DCDC2: variants seen among roughly 807,000 people sequenced by gnomAD.
DCDC2 encodes doublecortin domain containing 2.
Under a neutral mutation model 50.2 loss-of-function variants are expected in DCDC2, and 40 were observed. That is an observed-to-expected ratio of 0.80 (90% CI 0.62 to 1.04). The LOEUF (loss-of-function observed/expected upper bound fraction) is 1.04. Ranked by LOEUF, DCDC2 falls within the 50% of genes least tolerant of loss-of-function variation. The pLI, the probability that DCDC2 is intolerant of heterozygous loss-of-function variation, is 0.00. For missense variants in DCDC2, 570 were observed against 581.9 expected (o/e 0.98, Z 0.21); for synonymous variants, 234 against 210.6 (o/e 1.11, Z -0.96).
At chr6:24,225,265 C>T (rs988061086) in intron 7 of DCDC2, among the ~76,000 whole-genome samples, 1 of 152,054 alleles carries the variant, frequency 6.6e-6, no homozygotes, top group Admixed American at 6.6e-5. Flanking sequence ...GTTAGATATA[C>T]GATGATAATG....
At chr6:24,185,150 T>C (rs1354817514) in intron 8 of DCDC2, among the ~76,000 whole-genome samples, 3 of 152,200 alleles carry the variant, frequency 2.0e-5, no homozygotes, top group Admixed American at 6.5e-5. Flanking sequence ...CAAACACTTA[T>C]ACATTTTTTT....
intron 7 of DCDC2, among the ~76,000 whole-genome samples, chr6:24,226,294 C>T (rs759134724): frequency 2.0e-5 from 3 of 152,132 alleles, no homozygotes; most frequent in Non-Finnish European, 4.4e-5. Context: ...ATAATAGATG[C>T]CACAATAAAG....
rs145800633 is a variant in DCDC2, at chr6:24,351,371, G to C, written c.348+2198C>G. ...GACAGGAGGGCAGAGTGGGAGAGAG[G>C]ACTCTAGCGAACAAGTGGGAAAGCT... On this transcript the variant is annotated intron_variant, in intron 2 of 9. Coordinates refer to ENST00000378454, the MANE Select transcript of DCDC2 (RefSeq NM_016356.5). 6.1e-3 allele frequency among the ~76,000 whole-genome samples: 931 copies of C among 152,278 alleles called. 4 individuals carry two copies. The highest frequency in any genetic ancestry group is 0.021 in the African/African-American group (865 of 41,544).
intron 7 of DCDC2, among the ~76,000 whole-genome samples, chr6:24,277,089 G>A (rs1763375094): frequency 6.6e-6 from 1 of 152,138 alleles, no homozygotes; most frequent in African/African-American, 2.4e-5. Flanking sequence ...AACTCTCACA[G>A]GAGTTCAAAC....
chr6:24,190,042 TGCTTTCA>T (rs1489864095), intron 8 of DCDC2, among the ~76,000 whole-genome samples: 5 of 151,268 alleles, frequency 3.3e-5, no homozygotes, highest in Non-Finnish European at 7.4e-5. Context: ...TACCACTTCT[TGCTTTCA>T]GCTTTCAGAG....
intron 7 of DCDC2, among the ~76,000 whole-genome samples, chr6:24,228,400 G>A (rs1356081765): frequency 2.0e-5 from 3 of 152,210 alleles, no homozygotes; most frequent in Non-Finnish European, 4.4e-5. Flanking sequence ...TCTAACGGTT[G>A]TCAAATGGCC....
At chr6:24,255,459 A>AGAT (rs1762882051) in intron 7 of DCDC2, among the ~76,000 whole-genome samples, 1 of 152,198 alleles carries the variant, frequency 6.6e-6, no homozygotes, top group Non-Finnish European at 1.5e-5. Context: ...TACTTTGTTA[A>AGAT]GATTAAAGAC....
At chr6:24,304,396 T>C (rs921401148) in intron 2 of DCDC2, among the ~76,000 whole-genome samples, 1 of 152,120 alleles carries the variant, frequency 6.6e-6, no homozygotes, top group Non-Finnish European at 1.5e-5. Flanking sequence ...AGCATGAGAA[T>C]TGCTTGAAAC....
chr6:24,241,512 A>T (rs1013686574), intron 7 of DCDC2, among the ~76,000 whole-genome samples: 3 of 152,220 alleles, frequency 2.0e-5, no homozygotes, highest in African/African-American at 7.2e-5. Flanking sequence ...ATAAGCAGTG[A>T]CTCATTTTTT....
intron 8 of DCDC2, among the ~76,000 whole-genome samples, chr6:24,179,547 C>CAAAAAAAAAAAAAAAAAA (rs56731018): frequency 2.0e-5 from 1 of 49,598 alleles, no homozygotes; most frequent in African/African-American, 9.3e-5. Context: ...GACACCATCT[C>CAAAAAAAAAAAAAAAAAA]AAAAAAAAAA....
intron 2 of DCDC2, among the ~76,000 whole-genome samples, chr6:24,317,011 A>T (rs1759682140): frequency 6.6e-6 from 1 of 151,906 alleles, no homozygotes; most frequent in Non-Finnish European, 1.5e-5. Context: ...AGAGAGAGAG[A>T]CAAATTTGAC....
intron 7 of DCDC2, 186 bp from the exon 8 acceptor site, chr6:24,205,288 A>T (rs771204877): frequency 9.0e-5 from 139 of 1,549,704 alleles, no homozygotes; most frequent in Non-Finnish European, 1.2e-4. Flanking sequence ...TTTCATTGAG[A>T]AAACATTCAG....
chr6:24,175,694 C>T (rs933645408), intron 9 of DCDC2, among the ~76,000 whole-genome samples: 1 of 152,086 alleles, frequency 6.6e-6, no homozygotes, highest in Non-Finnish European at 1.5e-5. Context: ...CTTGTAAATT[C>T]TCTGTATTTC....
At chr6:24,277,123 T>C (rs1042207783) in intron 7 of DCDC2, among the ~76,000 whole-genome samples, 1 of 152,248 alleles carries the variant, frequency 6.6e-6, no homozygotes, top group African/African-American at 2.4e-5. Context: ...GTGAAGCTCA[T>C]ATTAGCTCTA....
At chr6:24,359,013 ATATATTT>A (rs1395376708), upstream of DCDC2, among the ~76,000 whole-genome samples, 60 of 21,974 alleles carry the variant, frequency 2.7e-3, no homozygotes, top group African/African-American at 5.9e-3. Flanking sequence ...TTTATATATT[ATATATTT>A]TATATTTTAT....
intron 7 of DCDC2, among the ~76,000 whole-genome samples, chr6:24,264,911 A>G (rs1157937781): frequency 6.6e-6 from 1 of 152,146 alleles, no homozygotes; most frequent in Non-Finnish European, 1.5e-5. Flanking sequence ...CAAACTGAAA[A>G]TAAAGGGATA....
At chr6:24,312,007 T>C (rs1759578796) in intron 2 of DCDC2, among the ~76,000 whole-genome samples, 1 of 152,196 alleles carries the variant, frequency 6.6e-6, no homozygotes, top group Non-Finnish European at 1.5e-5. Context: ...CTGCCTTAAC[T>C]GATGACATTC....
intron 7 of DCDC2, chr6:24,205,332 TTC>T: frequency 6.6e-7 from 1 of 1,514,586 alleles, no homozygotes; most frequent in Non-Finnish European, 8.9e-7. Context: ...CAGGGTAAAG[TTC>T]TGTCGAAGCT....
At chr6:24,192,736 CCA>C (rs1316731327) in intron 8 of DCDC2, among the ~76,000 whole-genome samples, 3 of 150,922 alleles carry the variant, frequency 2.0e-5, no homozygotes, top group Non-Finnish European at 1.5e-5. Context: ...AGTTAAAAAT[CCA>C]CAGAGATGAA....
Sources: gnomAD v4.1 joint callset for allele counts (sites outside exome capture counted in the v4.1 genomes callset) on GRCh38, gnomAD v4.1.1 for gene constraint, MANE v1.5 for transcripts, NCBI Gene and HGNC (gene_info 2026-07-23, HGNC 2026-07-21) for gene names.